NAV3: variants seen among roughly 807,000 people sequenced by gnomAD.
The protein encoded by NAV3 is pore membrane and/or filament interacting like protein 1.
In NAV3, 87 loss-of-function variants were observed where a neutral mutation model predicts 244.7. The ratio of observed to expected loss-of-function variants is 0.36; its 90% CI spans 0.30 to 0.42. The LOEUF (loss-of-function observed/expected upper bound fraction) is 0.42. Ranked by LOEUF, NAV3 falls within the 20% of genes least tolerant of loss-of-function variation. The pLI, the probability that NAV3 is intolerant of heterozygous loss-of-function variation, is 1.00. For missense variants in NAV3, 2,663 were observed against 2,893.3 expected (o/e 0.92, Z 1.83); for synonymous variants, 1,126 against 1,042.2 (o/e 1.08, Z -1.55).
intron 18 of NAV3, 151 bp from the exon 19 acceptor site, chr12:78,137,026 A>T (rs1956402232): frequency 1.6e-6 from 1 of 630,720 alleles, no homozygotes; most frequent in Non-Finnish European, 2.5e-6. Context: ...CTGTTATTGA[A>T]CATTTCAGAG....
chr12:78,138,800 A>C (rs568239801), intron 19 of NAV3, among the ~76,000 whole-genome samples: 1 of 152,306 alleles, frequency 6.6e-6, no homozygotes, highest in African/African-American at 2.4e-5. Context: ...AATAATCTGA[A>C]TTTCTGAAAG....
chr12:77,761,976 A>T (rs1333632100), intron 2 of NAV3, among the ~76,000 whole-genome samples: 1 of 108,758 alleles, frequency 9.2e-6, no homozygotes, highest in Admixed American at 8.6e-5. Flanking sequence ...ACACATGCAC[A>T]CATATGTTTT....
chr12:77,656,820 A>G (rs532127256), intron 2 of NAV3, among the ~76,000 whole-genome samples: 7 of 151,940 alleles, frequency 4.6e-5, no homozygotes, highest in African/African-American at 7.3e-5. Context: ...AAAACCGCTC[A>G]ACTACATGGA....
chr12:77,611,173 A>G (rs1443095742), intron 2 of NAV3, among the ~76,000 whole-genome samples: 1 of 152,006 alleles, frequency 6.6e-6, no homozygotes, highest in Admixed American at 6.6e-5. Context: ...AAACAAAATT[A>G]TGTTAACTAG....
chr12:78,121,771 A>G (rs771497195), intron 15 of NAV3, among the ~76,000 whole-genome samples, 169 bp from the exon 16 acceptor site: 1 of 152,160 alleles, frequency 6.6e-6, no homozygotes, highest in Non-Finnish European at 1.5e-5. Context: ...GATTTTCTGC[A>G]CTTGATAAAG....
rs766198467 is a variant in NAV3, at chr12:78,007,131, C to T, written c.1593C>T (p.Gly531=). Reference sequence around the variant, plus strand: ...CTTCCAGTGGTATTCCAAAACCAGGCTCTAAAGTTCCAACAGTAAAGCAAA... The same window carrying T: ...CTTCCAGTGGTATTCCAAAACCAGGTTCTAAAGTTCCAACAGTAAAGCAAA... ...IPSSSGIPKP[G]SKVPTVKQTI... Residue 531 remains glycine (G), a synonymous_variant, in exon 8 of 40, where the codon GGC becomes GGT. Coordinates refer to ENST00000397909, the MANE Select transcript of NAV3 (RefSeq NM_001024383.2). 9 of 1,614,114 alleles carry T rather than the reference C, an allele frequency of 5.6e-6. No individual in the cohort carries two copies. Among genetic ancestry groups the T allele is most frequent in the Admixed American group, 3.3e-5 (2 of 60,016 alleles).
At chr12:77,732,249 A>G (rs1014825158) in intron 2 of NAV3, among the ~76,000 whole-genome samples, 6 of 151,904 alleles carry the variant, frequency 3.9e-5, no homozygotes, top group Non-Finnish European at 8.8e-5. Context: ...AGAGAAGATC[A>G]TGGTGTTGGG....
intron 1 of NAV3, among the ~76,000 whole-genome samples, chr12:77,879,518 T>C (rs1379796753): frequency 6.6e-6 from 1 of 151,500 alleles, no homozygotes; most frequent in Non-Finnish European, 1.5e-5. Context: ...CTACTAAAAA[T>C]ATAAAAATTA....
rs550942859 is a variant in NAV3, at chr12:78,003,357, C to T, written c.881-3062C>T. Among the ~76,000 whole-genome samples, 25 of 152,268 alleles carry T rather than the reference C, an allele frequency of 1.6e-4. No individual in the cohort carries two copies. The East Asian group carries it at 3.5e-3, about 21-fold the overall frequency. ...TTTAATCATTTTCCTCTTTCCACCACGATCTGTGATGCTTAAAGTATCCTA... is the reference window on the plus strand; with the variant it reads ...TTTAATCATTTTCCTCTTTCCACCATGATCTGTGATGCTTAAAGTATCCTA... On this transcript the variant is annotated intron_variant, in intron 7 of 39. Coordinates refer to ENST00000397909, the MANE Select transcript of NAV3 (RefSeq NM_001024383.2).
At chr12:78,035,051 G>T (rs1193789605) in intron 9 of NAV3, among the ~76,000 whole-genome samples, 1 of 152,056 alleles carries the variant, frequency 6.6e-6, no homozygotes, top group African/African-American at 2.4e-5. Context: ...TATAAAATGG[G>T]TCTAAGTCTG....
intron 2 of NAV3, among the ~76,000 whole-genome samples, chr12:77,607,723 G>A (rs1398298737): frequency 6.6e-6 from 1 of 152,006 alleles, no homozygotes; most frequent in African/African-American, 2.4e-5. Flanking sequence ...CATTTCTATT[G>A]TCTGATCCAT....
chr12:77,887,322 C>A (rs1883411291), intron 1 of NAV3, among the ~76,000 whole-genome samples: 1 of 152,092 alleles, frequency 6.6e-6, no homozygotes, highest in South Asian at 2.1e-4. Flanking sequence ...AGGGTTGAAT[C>A]CTTAAAACTA....
At chr12:78,134,468 A>C (rs948050087) in intron 18 of NAV3, among the ~76,000 whole-genome samples, 1 of 152,192 alleles carries the variant, frequency 6.6e-6, no homozygotes, top group Non-Finnish European at 1.5e-5. Flanking sequence ...ATATATCCAG[A>C]TTCTACAAAA....
intron 7 of NAV3, 81 bp from the exon 8 acceptor site, chr12:78,006,338 A>G (rs1246984794): frequency 1.6e-6 from 2 of 1,269,594 alleles, no homozygotes; most frequent in African/African-American, 3.0e-5. Flanking sequence ...ATCCATCAAT[A>G]GTTTGGAAGT....
intron 2 of NAV3, among the ~76,000 whole-genome samples, chr12:77,671,789 T>C (rs536869804): frequency 6.6e-6 from 1 of 152,192 alleles, no homozygotes; most frequent in Non-Finnish European, 1.5e-5. Context: ...ATCTAAGGCA[T>C]GAAATCATAA....
intron 1 of NAV3, among the ~76,000 whole-genome samples, chr12:77,845,776 C>T (rs1242359744): frequency 1.3e-5 from 2 of 151,822 alleles, no homozygotes; most frequent in Non-Finnish European, 2.9e-5. Context: ...GCCTCAGCCT[C>T]CCAAGTAGCG....
chr12:78,075,172 A>C (rs1952982578), intron 12 of NAV3, among the ~76,000 whole-genome samples: 1 of 152,166 alleles, frequency 6.6e-6, no homozygotes, highest in African/African-American at 2.4e-5. Context: ...CATCATTGTA[A>C]GCAGTACAGA....
intron 20 of NAV3, among the ~76,000 whole-genome samples, chr12:78,140,914 C>T (rs1246665276): frequency 2.0e-5 from 3 of 150,562 alleles, no homozygotes; most frequent in Non-Finnish European, 1.5e-5. Context: ...ATTTTTGAGT[C>T]GAGGTCTTGC....
rs544926434 is a variant in NAV3 at position 77,955,582 on chromosome 12, C to A, written c.415-10647C>A. Among the ~76,000 whole-genome samples the A allele has an allele frequency of 1.1e-4, 16 of 151,964 alleles. No individual in the cohort carries two copies. In the South Asian group the frequency reaches 2.9e-3, roughly 28 times the overall value. On this transcript the variant is annotated intron_variant, in intron 3 of 39. Coordinates refer to ENST00000397909, the MANE Select transcript of NAV3 (RefSeq NM_001024383.2). ...TTTTGGCCTCTGATCAGAAATAGAC[C>A]CTTCTGGACAGCTGCAGTGGCTCAC...
Sources: allele counts gnomAD v4.1 joint callset (sites outside exome capture counted in the v4.1 genomes callset), GRCh38; gene constraint gnomAD v4.1.1; transcripts MANE v1.5; gene names NCBI Gene and HGNC (gene_info 2026-07-23, HGNC 2026-07-21).